BIRC6: variants seen among roughly 807,000 people sequenced by gnomAD.
The protein encoded by BIRC6 is dual E2 ubiquitin-conjugating enzyme/E3 ubiquitin-protein ligase BIRC6.
A neutral mutation model predicts 503.3 loss-of-function variants in BIRC6; 98 were observed. That is an observed-to-expected ratio of 0.19 (90% CI 0.17 to 0.23). BIRC6 has a LOEUF of 0.23. Among genes scored for constraint, BIRC6 ranks in the 10% least tolerant of loss-of-function variants. BIRC6 has a pLI of 1.00. For missense variants in BIRC6, 5,360 were observed against 5,806.0 expected (o/e 0.92, Z 2.50); for synonymous variants, 2,240 against 2,078.7 (o/e 1.08, Z -2.11).
intron 34 of BIRC6, among the ~76,000 whole-genome samples, chr2:32,477,132 G>A (rs116353528): frequency 0.016 from 2,489 of 152,164 alleles, 52 homozygotes; most frequent in African/African-American, 0.058. Context: ...AATGTCTGTA[G>A]AATTTCACTT....
rs919444089 is a variant in BIRC6, at chr2:32,357,742, C to G, written c.325+256C>G. Among the ~76,000 whole-genome samples, 1 of 152,098 alleles carries G rather than the reference C, an allele frequency of 6.6e-6. No homozygotes were observed. The highest frequency in any genetic ancestry group is 1.5e-5 in the Non-Finnish European group (1 of 68,000). On this transcript the variant is annotated intron_variant, in intron 1 of 73. Transcript: ENST00000421745. This position sits in a 1 kb window ranked among gnomAD's most constrained non-coding sequence, Gnocchi z 4.9. ...AGTTGCCTTTCGGGCCTGGAGCGTC[C>G]GGTCTGGCTTGGTCCTCCGCGAGAG...
chr2:32,574,223 A>G lies in BIRC6; in HGVS notation c.13145-933A>G, dbSNP rs1305596024. 2.8e-5 allele frequency among the ~76,000 whole-genome samples: 4 copies of G among 142,810 alleles called. No individual in the cohort carries two copies. In the South Asian group the frequency reaches 8.7e-4, roughly 31 times the overall value. The allele number at this position is 142,810 out of a possible 152,430, so 93.7% of individuals were successfully genotyped here. ...ATCACCCAGGCTGGAGTGCAGTGGC[A>G]TGATCTTGTCCTCCCCAGTTGCAGG... On this transcript the variant is annotated intron_variant, in intron 65 of 73. Coordinates refer to ENST00000421745, the MANE Select transcript of BIRC6 (RefSeq NM_016252.4).
At chr2:32,588,439 G>A (rs533472414) in intron 66 of BIRC6, among the ~76,000 whole-genome samples, 2 of 151,988 alleles carry the variant, frequency 1.3e-5, no homozygotes, top group Non-Finnish European at 2.9e-5. Flanking sequence ...AGATGATTTG[G>A]TATCCACTTT....
chr2:32,380,730 A>C (rs1394813402), intron 3 of BIRC6, among the ~76,000 whole-genome samples: 10 of 151,314 alleles, frequency 6.6e-5, no homozygotes, highest in South Asian at 4.2e-4. Flanking sequence ...TCTGTTGCCC[A>C]AAAAAAAAGA....
chr2:32,510,847 T>G (rs1484860234), intron 53 of BIRC6, among the ~76,000 whole-genome samples: 4 of 152,194 alleles, frequency 2.6e-5, no homozygotes, highest in Non-Finnish European at 4.4e-5. Context: ...TTAAGCAAAT[T>G]TGAACTTAAA....
In BIRC6 at chr2:32,357,303, G is replaced by A. The variant is rs1383865115; in HGVS notation, c.142G>A (p.Gly48Arg). 2.0e-6 allele frequency: 3 copies of A among 1,526,572 alleles called. No individual in the cohort carries two copies. In the South Asian group the frequency reaches 3.6e-5, roughly 19 times the overall value. The allele number at this position is 1,526,572 out of a possible 1,614,324, so 94.6% of individuals were successfully genotyped here. The change falls in exon 1 of 74, where the codon GGG becomes AGG. Residue 48 changes from glycine (G) to arginine (R), a missense_variant. Physicochemically the swap from Gly to Arg is moderately radical, Grantham distance 125. Around this residue, in one of 16 missense-constraint regions of BIRC6, gnomAD observed 145 missense variants for 106.9 expected, o/e 1.36. Transcript: ENST00000421745. The surrounding 1 kb of genome is among the most constrained non-coding windows in gnomAD (Gnocchi z 4.9). ...CGGCTGCTCCTCGGCGGCGGGGGCG[G>A]GGGCGGCCGGGGTCTCAGAGTGGCT... ...GPGCSSAAGA[G>R]AAGVSEWLVL... is the part of the protein sequence containing the mutation.
In BIRC6 at chr2:32,513,027, A is replaced by G. The variant is rs200634472; in HGVS notation, c.10441A>G (p.Thr3481Ala). 2.4e-5 allele frequency: 38 copies of G among 1,613,900 alleles called. No individual in the cohort carries two copies. In the East Asian group the frequency reaches 5.4e-4, roughly 23 times the overall value. The change falls in exon 54 of 74, where the codon ACA (threonine) becomes GCA (alanine). Residue 3481 changes from threonine (T) to alanine (A), a missense_variant. Coordinates refer to ENST00000421745, the MANE Select transcript of BIRC6 (RefSeq NM_016252.4). ...GAACTACATGTGTCCTAACTCCTCA[A>G]CAGTAGAGTATGGTCTTCTGATGCC... is the stretch of plus-strand genomic sequence containing the variant. Reference protein sequence around the residue: ...RMNYMCPNSSTVEYGLLMPSP... With the variant: ...RMNYMCPNSSAVEYGLLMPSP...
chr2:32,459,476 C>T (rs2047600201), intron 23 of BIRC6, among the ~76,000 whole-genome samples: 2 of 152,128 alleles, frequency 1.3e-5, no homozygotes, highest in South Asian at 4.1e-4. Context: ...TGAGTACAAC[C>T]TACAAATATT....
Position 32,464,500 on chromosome 2 carries a change from C to G in BIRC6, c.4942-9C>G. The G allele has an allele frequency of 6.4e-7, 1 of 1,552,342 alleles. No homozygotes were observed. Among genetic ancestry groups the G allele is most frequent in the African/African-American group, 1.4e-5 (1 of 73,108 alleles). On this transcript the variant is annotated splice_polypyrimidine_tract_variant and intron_variant, in intron 24 of 73. Transcript: ENST00000421745. ...TAGTCTATATATGTTGCTTTTACTT[C>G]TTTTGCAGAAAGCAAAGCTGGAAGC...
At chr2:32,431,879 A>C (rs1331726032) in intron 12 of BIRC6, among the ~76,000 whole-genome samples, 1 of 152,274 alleles carries the variant, frequency 6.6e-6, no homozygotes, top group Non-Finnish European at 1.5e-5. Flanking sequence ...AAGAATGTTA[A>C]AACAGAGTAT....
At chr2:32,577,846 T>C (rs989321438) in intron 66 of BIRC6, among the ~76,000 whole-genome samples, 1 of 152,192 alleles carries the variant, frequency 6.6e-6, no homozygotes. Context: ...GATGAAATTA[T>C]TCCATTTAAA....
intron 16 of BIRC6, among the ~76,000 whole-genome samples, chr2:32,439,917 C>T (rs956656478): frequency 6.6e-6 from 1 of 152,110 alleles, no homozygotes; most frequent in African/African-American, 2.4e-5. Context: ...CTCACTCTTT[C>T]CCCCAGGCTG....
At chr2:32,433,848 G>T (rs1056157783) in intron 13 of BIRC6, 44 bp downstream of exon 13, 2 of 1,403,854 alleles carry the variant, frequency 1.4e-6, no homozygotes, top group East Asian at 2.5e-5. Context: ...TTATTTTGTG[G>T]TTGATTTCTG....
intron 61 of BIRC6, among the ~76,000 whole-genome samples, chr2:32,539,490 C>T (rs1308197519): frequency 6.6e-6 from 1 of 152,094 alleles, no homozygotes; most frequent in Non-Finnish European, 1.5e-5. Context: ...GTTCTGTGAC[C>T]ACATCAGAAT....
At position 32,512,592 on chromosome 2, in the gene BIRC6, A is replaced by G. The variant is rs190360848; in HGVS notation, c.10347-341A>G. 5.3e-5 allele frequency among the ~76,000 whole-genome samples: 8 copies of G among 152,288 alleles called. No individual in the cohort carries two copies. The East Asian group carries it at 1.5e-3, about 29-fold the overall frequency. Reference sequence around the variant, plus strand: ...TCAGAATGAATGAGTGTGGGTGGCTATTACTAGTATTTAATGCTAGGGTCC... The same window carrying G: ...TCAGAATGAATGAGTGTGGGTGGCTGTTACTAGTATTTAATGCTAGGGTCC... On this transcript the variant is annotated intron_variant, in intron 53 of 73. Transcript: ENST00000421745.
At chr2:32,599,428 C>A (rs1177490626) in intron 69 of BIRC6, among the ~76,000 whole-genome samples, 1 of 151,652 alleles carries the variant, frequency 6.6e-6, no homozygotes, top group Non-Finnish European at 1.5e-5. Flanking sequence ...TCACTTGAGG[C>A]TAGGAGTTTG....
intron 62 of BIRC6, 36 bp downstream of exon 62, chr2:32,543,577 T>A (rs992426067): frequency 6.3e-7 from 1 of 1,580,424 alleles, no homozygotes; most frequent in African/African-American, 1.3e-5. Context: ...AACACATATG[T>A]GAATAGGTTG....
intron 15 of BIRC6, among the ~76,000 whole-genome samples, chr2:32,438,349 G>T (rs944657631): frequency 6.6e-6 from 1 of 152,134 alleles, no homozygotes. Flanking sequence ...ACAGTGTAGT[G>T]CTAGCACAGC....
intron 13 of BIRC6, among the ~76,000 whole-genome samples, 194 bp downstream of exon 13, chr2:32,433,998 A>G (rs1414490447): frequency 6.6e-6 from 1 of 152,228 alleles, no homozygotes; most frequent in Non-Finnish European, 1.5e-5. Flanking sequence ...AGTAATGTTC[A>G]GAATTGCATA....
Sources: allele counts gnomAD v4.1 joint callset (sites outside exome capture counted in the v4.1 genomes callset), GRCh38; gene constraint gnomAD v4.1.1; regional missense constraint gnomAD v4.1.1; non-coding constraint Gnocchi (gnomAD v3.1); transcripts MANE v1.5; gene names NCBI Gene and HGNC (gene_info 2026-07-23, HGNC 2026-07-21).